The following CTPS1 variants were observed in gnomAD, a reference collection of about 807,000 sequenced individuals.
The protein encoded by CTPS1 is CTP synthase 1, also known as CTP synthetase 1.
Under a neutral mutation model 80.5 loss-of-function variants are expected in CTPS1, and 25 were observed. That is an observed-to-expected ratio of 0.31 (90% CI 0.23 to 0.43). CTPS1 has a LOEUF of 0.43. CTPS1 is among the 20% of genes least tolerant of loss of function. The pLI is 1.00. For missense variants in CTPS1, 442 were observed against 725.7 expected (o/e 0.61, Z 4.49); for synonymous variants, 267 against 252.5 (o/e 1.06, Z -0.54).
chr1:40,993,629 A>C lies in CTPS1; in HGVS notation c.720+1784A>C, dbSNP rs555296397. Among the ~76,000 whole-genome samples the C allele has an allele frequency of 5.9e-5, 9 of 152,296 alleles. No homozygotes were observed. In the South Asian group the frequency reaches 8.3e-4, roughly 14 times the overall value. The stretch of plus-strand genomic sequence containing the variant: ...GTTGAGATTACAGGCGTGAGCCGGC[A>C]ATGCCCAGCCTTACTTACTCTTTTA... On this transcript the variant is annotated intron_variant, in intron 7 of 18. Transcript: ENST00000650070.
intron 12 of CTPS1, among the ~76,000 whole-genome samples, chr1:41,003,400 C>A (rs965829287): frequency 3.3e-5 from 5 of 152,168 alleles, no homozygotes; most frequent in African/African-American, 4.8e-5. Context: ...TGCCTTCTGC[C>A]TCTGTGTTCC....
intron 9 of CTPS1, among the ~76,000 whole-genome samples, chr1:40,998,910 A>G (rs999002672): frequency 1.3e-5 from 2 of 152,206 alleles, no homozygotes; most frequent in African/African-American, 2.4e-5. Context: ...AAATCCCATT[A>G]CACAGCCCTG....
At chr1:40,981,959 C>T (rs892610097) in intron 1 of CTPS1, 7 of 1,285,368 alleles carry the variant, frequency 5.4e-6, no homozygotes, top group South Asian at 2.5e-5. Flanking sequence ...TCACATGGAA[C>T]GTTCCTGAGG....
intron 17 of CTPS1, 90 bp from the exon 18 acceptor site, chr1:41,010,071 A>G (rs915542414): frequency 3.9e-6 from 3 of 771,528 alleles, no homozygotes; most frequent in South Asian, 3.3e-5. Context: ...TGTGCAGGCA[A>G]GTGTCCCTGT....
chr1:41,006,764 C>T (rs1643044566), intron 13 of CTPS1, among the ~76,000 whole-genome samples: 1 of 152,232 alleles, frequency 6.6e-6, no homozygotes, highest in African/African-American at 2.4e-5. Context: ...TATGCTGGGA[C>T]TGCCCTTGTC....
At chr1:40,996,943 A>C (rs1018854344) in intron 8 of CTPS1, among the ~76,000 whole-genome samples, 38 of 152,186 alleles carry the variant, frequency 2.5e-4, no homozygotes, top group African/African-American at 8.0e-4. Context: ...GTATGAAAAA[A>C]ATTTTTTGTA....
chr1:40,991,018 G>A, intron 5 of CTPS1, 147 bp from the exon 6 acceptor site: 1 of 641,916 alleles, frequency 1.6e-6, no homozygotes, highest in Non-Finnish European at 2.7e-6. Flanking sequence ...ATGCATGCAT[G>A]TGTAACTTTG....
At chr1:40,982,140 T>G in intron 1 of CTPS1, 2 of 433,306 alleles carry the variant, frequency 4.6e-6, no homozygotes, top group Non-Finnish European at 8.0e-6. Context: ...CCTCACCTCT[T>G]GTCGATGCTG....
intron 16 of CTPS1, among the ~76,000 whole-genome samples, chr1:41,009,196 T>C (rs879060191): frequency 6.6e-6 from 1 of 152,132 alleles, no homozygotes; most frequent in Non-Finnish European, 1.5e-5. Flanking sequence ...ACAGAAATCC[T>C]GGGAGCCAGG....
At chr1:40,994,082 A>AT in intron 7 of CTPS1, among the ~76,000 whole-genome samples, 1 of 151,958 alleles carries the variant, frequency 6.6e-6, no homozygotes, top group South Asian at 2.1e-4. Flanking sequence ...CCTGGCCTTC[A>AT]TTTTCTTAAT....
intron 8 of CTPS1, 50 bp downstream of exon 8, chr1:40,996,118 T>C (rs1433953469): frequency 3.1e-6 from 5 of 1,609,050 alleles, no homozygotes; most frequent in Non-Finnish European, 4.2e-6. Flanking sequence ...TACTCTTTTG[T>C]AGGGCTGGTG....
chr1:40,990,458 G>T (rs1428340455), intron 5 of CTPS1, among the ~76,000 whole-genome samples: 1 of 152,106 alleles, frequency 6.6e-6, no homozygotes, highest in African/African-American at 2.4e-5. Context: ...AACAATACTG[G>T]AAGCTAAAAG....
intron 7 of CTPS1, among the ~76,000 whole-genome samples, chr1:40,994,142 G>A (rs1642693814): frequency 6.6e-6 from 1 of 152,046 alleles, no homozygotes; most frequent in Non-Finnish European, 1.5e-5. Context: ...AGTCCAATCT[G>A]TTTTTTTCTT....
At chr1:41,004,766 G>A (rs1642991865) in intron 12 of CTPS1, among the ~76,000 whole-genome samples, 1 of 152,208 alleles carries the variant, frequency 6.6e-6, no homozygotes, top group South Asian at 2.1e-4. Context: ...AGCTGCTGAA[G>A]ATGAAAGAAG....
chr1:40,995,701 G>A (rs1434639101), intron 7 of CTPS1, among the ~76,000 whole-genome samples: 1 of 152,140 alleles, frequency 6.6e-6, no homozygotes, highest in African/African-American at 2.4e-5. Context: ...GCCCAGCCAT[G>A]AATTTTTTTT....
At chr1:41,000,164 G>A (rs1407746024) in intron 9 of CTPS1, among the ~76,000 whole-genome samples, 1 of 152,196 alleles carries the variant, frequency 6.6e-6, no homozygotes, top group Non-Finnish European at 1.5e-5. Flanking sequence ...TTGGATCTGA[G>A]GTTGTTTGGG....
chr1:40,984,044 A>T (rs903636578), intron 2 of CTPS1, among the ~76,000 whole-genome samples: 7 of 152,182 alleles, frequency 4.6e-5, no homozygotes, highest in Non-Finnish European at 1.0e-4. Context: ...CTGCATTCGT[A>T]CTCCTACTCT....
chr1:41,011,744 T>C lies in CTPS1; in HGVS notation c.*96T>C, dbSNP rs1471877847. On this transcript the variant is annotated 3_prime_UTR_variant, in exon 19 of 19. Transcript: ENST00000650070. Reference sequence around the variant, plus strand: ...GGCTTTGGAGACTTTCTTTAAATTATGTTTTTATTAAGATTATTTTATTAT... The same window carrying C: ...GGCTTTGGAGACTTTCTTTAAATTACGTTTTTATTAAGATTATTTTATTAT... 6.6e-6 allele frequency: 1 copy of C among 152,252 alleles called. No individual in the cohort carries two copies. The highest frequency in any genetic ancestry group is 6.5e-5 in the Admixed American group (1 of 15,290). The allele number at this position is 152,252 out of a possible 1,614,324, so 9.4% of individuals were successfully genotyped here.
At chr1:40,998,439 C>T (rs937392998) in intron 9 of CTPS1, among the ~76,000 whole-genome samples, 3 of 149,334 alleles carry the variant, frequency 2.0e-5, no homozygotes, top group Admixed American at 1.3e-4. Flanking sequence ...TGCCTGAGCC[C>T]GGTGACCAGG....
Sources: gnomAD v4.1 joint callset for allele counts (sites outside exome capture counted in the v4.1 genomes callset) on GRCh38, gnomAD v4.1.1 for gene constraint, MANE v1.5 for transcripts, NCBI Gene and HGNC (gene_info 2026-07-23, HGNC 2026-07-21) for gene names.